COL19A1: variants seen among roughly 807,000 people sequenced by gnomAD.
COL19A1 encodes the protein collagen type XIX alpha 1 chain.
COL19A1 carries 159 observed loss-of-function variants against 190.2 expected under a neutral mutation model. That is an observed-to-expected ratio of 0.84 (90% CI 0.73 to 0.95). COL19A1 has a LOEUF of 0.95. Among genes scored for constraint, COL19A1 ranks in the 40% least tolerant of loss-of-function variants. The pLI, the probability that COL19A1 is intolerant of heterozygous loss-of-function variation, is 0.00. For missense variants in COL19A1, 1,418 were observed against 1,431.9 expected (o/e 0.99, Z 0.16); for synonymous variants, 509 against 458.9 (o/e 1.11, Z -1.39).
chr6:70,163,664 C>CT (rs993104187), intron 36 of COL19A1, among the ~76,000 whole-genome samples: 2 of 152,142 alleles, frequency 1.3e-5, no homozygotes, highest in African/African-American at 4.8e-5. Context: ...GGGCAACCAT[C>CT]TATGTGGAAG....
intron 7 of COL19A1, among the ~76,000 whole-genome samples, chr6:69,933,303 C>T (rs1772898922): frequency 6.6e-6 from 1 of 152,068 alleles, no homozygotes; most frequent in African/African-American, 2.4e-5. Context: ...TGTACATTTA[C>T]CTCGTGTCTG....
At chr6:70,046,489 A>C (rs1184650282) in intron 14 of COL19A1, among the ~76,000 whole-genome samples, 1 of 152,090 alleles carries the variant, frequency 6.6e-6, no homozygotes, top group Non-Finnish European at 1.5e-5. Context: ...CTCCACAACA[A>C]AGTAATTTTT....
intron 15 of COL19A1, among the ~76,000 whole-genome samples, chr6:70,072,575 C>G (rs1489289189): frequency 6.6e-6 from 1 of 152,192 alleles, no homozygotes; most frequent in Non-Finnish European, 1.5e-5. Context: ...TTTATCCTCT[C>G]TGCCTGTGCC....
intron 11 of COL19A1, among the ~76,000 whole-genome samples, chr6:69,984,429 A>C (rs1030650976): frequency 6.6e-6 from 1 of 152,120 alleles, no homozygotes; most frequent in Non-Finnish European, 1.5e-5. Context: ...ACCTCACTAC[A>C]AAAGATAATG....
At chr6:69,916,818 A>AATTTTATTCTT (rs1771341622) in intron 4 of COL19A1, among the ~76,000 whole-genome samples, 1 of 152,170 alleles carries the variant, frequency 6.6e-6, no homozygotes, top group Admixed American at 6.5e-5. Context: ...TGATGAGGGG[A>AATTTTATTCTT]ATTTTATTCT....
At chr6:70,194,325 G>A (rs2150301306) in intron 48 of COL19A1, among the ~76,000 whole-genome samples, 1 of 152,232 alleles carries the variant, frequency 6.6e-6, no homozygotes, top group East Asian at 1.9e-4. Context: ...CTTCCCAGGT[G>A]ACCCACCTGG....
intron 27 of COL19A1, among the ~76,000 whole-genome samples, chr6:70,147,267 A>G (rs1222185115): frequency 2.0e-5 from 3 of 152,188 alleles, no homozygotes; most frequent in Non-Finnish European, 4.4e-5. Flanking sequence ...TAATATTTAA[A>G]CTGGATGGAG....
At chr6:69,930,405 T>A (rs1772681553) in intron 6 of COL19A1, among the ~76,000 whole-genome samples, 1 of 152,198 alleles carries the variant, frequency 6.6e-6, no homozygotes, top group African/African-American at 2.4e-5. Context: ...TTATTATGTA[T>A]AAACAGTTTA....
intron 14 of COL19A1, among the ~76,000 whole-genome samples, chr6:70,068,219 CTT>C (rs1422716081): frequency 6.6e-6 from 1 of 151,740 alleles, no homozygotes; most frequent in Non-Finnish European, 1.5e-5. Flanking sequence ...GCCTTTTTTT[CTT>C]TCTGGAGTTA....
At chr6:70,047,792 C>T (rs2150129326) in intron 14 of COL19A1, among the ~76,000 whole-genome samples, 1 of 152,206 alleles carries the variant, frequency 6.6e-6, no homozygotes, top group East Asian at 1.9e-4. Context: ...ATTACTAAGG[C>T]TTCAGAAGCA....
At chr6:70,057,603 G>T (rs1562127315) in intron 14 of COL19A1, among the ~76,000 whole-genome samples, 10 of 151,912 alleles carry the variant, frequency 6.6e-5, no homozygotes. Flanking sequence ...TGTTCATGTT[G>T]TTTTTTCAGA....
At chr6:69,938,218 C>A in intron 9 of COL19A1, 118 bp downstream of exon 9, 1 of 932,996 alleles carries the variant, frequency 1.1e-6, no homozygotes, top group Non-Finnish European at 1.6e-6. Context: ...AAAAGGCTAT[C>A]AAAGACTATA....
chr6:69,985,870 T>A (rs759457062), intron 11 of COL19A1, among the ~76,000 whole-genome samples: 3 of 152,120 alleles, frequency 2.0e-5, no homozygotes, highest in Non-Finnish European at 4.4e-5. Flanking sequence ...AAATGCATAT[T>A]TAAGGACTTT....
intron 6 of COL19A1, among the ~76,000 whole-genome samples, chr6:69,932,058 A>G (rs1044505655): frequency 2.0e-5 from 3 of 152,088 alleles, no homozygotes. Flanking sequence ...TTATATTGCT[A>G]TTTTATCAAT....
chr6:70,060,465 A>T (rs1446971741), intron 14 of COL19A1, among the ~76,000 whole-genome samples: 2 of 151,568 alleles, frequency 1.3e-5, no homozygotes, highest in Admixed American at 1.3e-4. Flanking sequence ...AGTGGTGGGC[A>T]AGTGAGCAAG....
At chr6:70,009,113 T>C (rs539643844) in intron 11 of COL19A1, among the ~76,000 whole-genome samples, 3 of 152,076 alleles carry the variant, frequency 2.0e-5, no homozygotes, top group South Asian at 4.1e-4. Context: ...ATATCCACTA[T>C]CCTCATTTAC....
rs1206321759 is a variant in COL19A1, at chr6:70,199,141, G to GC, written c.3095-462dup. On this transcript the variant is annotated intron_variant, in intron 48 of 50. Coordinates refer to ENST00000620364, the MANE Select transcript of COL19A1 (RefSeq NM_001858.6). ...CTTTTCACTAGAAATGAAAAGTCTA[G>GC]CCCCCATTCAAAACTAGGAGAATTA... 3.3e-5 allele frequency among the ~76,000 whole-genome samples: 5 copies of GC among 152,164 alleles called. 1 individual carries two copies. Among genetic ancestry groups the GC allele is most frequent in the Admixed American group, 1.3e-4 (2 of 15,278 alleles).
At chr6:69,982,553 T>C (rs568319896) in intron 11 of COL19A1, among the ~76,000 whole-genome samples, 3 of 151,308 alleles carry the variant, frequency 2.0e-5, no homozygotes, top group African/African-American at 7.2e-5. Flanking sequence ...CTTTTAACAA[T>C]ACAATATTGC....
intron 4 of COL19A1, among the ~76,000 whole-genome samples, chr6:69,905,113 C>G (rs1280131139): frequency 6.6e-6 from 1 of 152,124 alleles, no homozygotes; most frequent in Non-Finnish European, 1.5e-5. Flanking sequence ...AACCCGGGAG[C>G]CTTCAGGGGC....
Sources: gnomAD v4.1 joint callset for allele counts (sites outside exome capture counted in the v4.1 genomes callset) on GRCh38, gnomAD v4.1.1 for gene constraint, MANE v1.5 for transcripts, NCBI Gene and HGNC (gene_info 2026-07-23, HGNC 2026-07-21) for gene names.